The following HS6ST1 variants were observed in gnomAD, a reference collection of about 807,000 sequenced individuals.
HS6ST1 encodes heparan-sulfate 6-O-sulfotransferase 1.
Under a neutral mutation model 25.2 loss-of-function variants are expected in HS6ST1, and 3 were observed. The ratio of observed to expected loss-of-function variants is 0.12; its 90% CI spans 0.05 to 0.31. The LOEUF is 0.31. HS6ST1 is among the 10% of genes least tolerant of loss of function. The probability of loss-of-function intolerance (pLI) is 1.00; values close to 1 mark genes in which losing one functional copy is unlikely to be tolerated. For missense variants in HS6ST1, 310 were observed against 609.6 expected (o/e 0.51, Z 5.18); for synonymous variants, 204 against 275.1 (o/e 0.74, Z 2.56).
chr2:128,317,613 G>A (rs1025993517), intron 1 of HS6ST1, among the ~76,000 whole-genome samples: 3 of 152,190 alleles, frequency 2.0e-5, no homozygotes, highest in African/African-American at 4.8e-5. Context: ...CCACTTTTGG[G>A]ACCACAGCAC....
intron 1 of HS6ST1, among the ~76,000 whole-genome samples, chr2:128,308,322 C>T (rs1330819073): frequency 6.6e-6 from 1 of 152,134 alleles, no homozygotes; most frequent in African/African-American, 2.4e-5. Flanking sequence ...CTGGAGATAC[C>T]ATGTAGGGGG....
intron 1 of HS6ST1, among the ~76,000 whole-genome samples, chr2:128,283,144 G>A (rs910171426): frequency 6.6e-6 from 1 of 152,356 alleles, no homozygotes; most frequent in East Asian, 1.9e-4. Flanking sequence ...CTTTCCTGCA[G>A]TTGAAAAAGG....
At chr2:128,296,538 T>G (rs1694041630) in intron 1 of HS6ST1, among the ~76,000 whole-genome samples, 1 of 152,128 alleles carries the variant, frequency 6.6e-6, no homozygotes, top group African/African-American at 2.4e-5. Context: ...AAGTAAAAAT[T>G]AAAAGAAATC....
chr2:128,293,572 C>T (rs1336968444), intron 1 of HS6ST1, among the ~76,000 whole-genome samples: 5 of 152,172 alleles, frequency 3.3e-5, no homozygotes, highest in South Asian at 4.1e-4. Flanking sequence ...GGGCGCTTCC[C>T]GGGGCCACAG....
chr2:128,301,902 C>A (rs1694135718), intron 1 of HS6ST1, among the ~76,000 whole-genome samples: 1 of 152,224 alleles, frequency 6.6e-6, no homozygotes, highest in African/African-American at 2.4e-5. Context: ...GGACACCATG[C>A]TGGCCGGTGT....
chr2:128,267,945 G>T lies in HS6ST1; in HGVS notation c.*217C>A. On this transcript the variant is annotated 3_prime_UTR_variant, in exon 2 of 2. Transcript: ENST00000259241. ...CCTGACCATGGCATCCTTCGAGCAC[G>T]CTTTCCTCTGACCCACTGGGCTGCA... 1 of 602,802 alleles carries T rather than the reference G, an allele frequency of 1.7e-6. No individual in the cohort carries two copies. The highest frequency in any genetic ancestry group is 2.9e-6 in the Non-Finnish European group (1 of 339,040). 37.3% of individuals were successfully genotyped at this position (602,802 alleles called of 1,614,324 possible).
Position 128,318,212 on chromosome 2 carries a change from A to T in HS6ST1, c.352T>A (p.Cys118Ser). 6.5e-7 allele frequency: 1 copy of T among 1,536,366 alleles called. No individual in the cohort carries two copies. The highest frequency in any genetic ancestry group is 8.8e-7 in the Non-Finnish European group (1 of 1,132,698). ...QNVRLEVPCD[C>S]RPGQKKCTCY... ...GTGCACTTCTTCTGGCCGGGCCGGC[A>T]GTCGCACGGCACCTCGAGGCGTACG... The change falls in exon 1 of 2, where the codon TGC (cysteine) becomes AGC (serine). Residue 118 changes from cysteine (C) to serine (S), a missense_variant. Cys to Ser is a moderately radical substitution (Grantham distance 112). Transcript: ENST00000259241. This position sits in a 1 kb window ranked among gnomAD's most constrained non-coding sequence, Gnocchi z 5.7.
At chr2:128,282,245 C>A (rs1444028837) in intron 1 of HS6ST1, among the ~76,000 whole-genome samples, 1 of 152,268 alleles carries the variant, frequency 6.6e-6, no homozygotes, top group African/African-American at 2.4e-5. Context: ...GAAAAAACCA[C>A]CTTTAGCCCT....
At chr2:128,268,898 G>A (rs748772632) in intron 1 of HS6ST1, 28 bp from the exon 2 acceptor site, 69 of 1,579,272 alleles carry the variant, frequency 4.4e-5, no homozygotes, top group Non-Finnish European at 5.5e-5. Flanking sequence ...GAGGAGGTGA[G>A]GGCTGTGACG....
At chr2:128,295,601 T>C (rs758992279) in intron 1 of HS6ST1, among the ~76,000 whole-genome samples, 1 of 152,216 alleles carries the variant, frequency 6.6e-6, no homozygotes, top group Non-Finnish European at 1.5e-5. Flanking sequence ...CCTTTATAAA[T>C]ACTGATGAAA....
intron 1 of HS6ST1, among the ~76,000 whole-genome samples, chr2:128,275,157 G>GA (rs919002466): frequency 2.8e-4 from 43 of 151,978 alleles, no homozygotes; most frequent in African/African-American, 1.0e-3. Context: ...TTAATTCCAG[G>GA]AAAAACAAAA....
intron 1 of HS6ST1, among the ~76,000 whole-genome samples, chr2:128,269,337 T>C (rs1693574573): frequency 6.7e-6 from 1 of 150,160 alleles, no homozygotes; most frequent in South Asian, 2.1e-4. Flanking sequence ...GGCCTGGTGG[T>C]GGTTGGGGGG....
chr2:128,268,721 T>C lies in HS6ST1; in HGVS notation c.677A>G (p.Glu226Gly), dbSNP rs768191311. The part of the protein sequence containing the change: ...PTPEELPPCY[E>G]GTDWSGCTLQ... The stretch of plus-strand genomic sequence containing the variant: ...CGTGCAGCCCGACCAGTCCGTGCCC[T>C]CGTAGCAGGGCGGCAGCTCCTCAGG... The change falls in exon 2 of 2, where the codon GAG becomes GGG. Residue 226 changes from glutamate to glycine, a missense_variant. This residue lies in a region of HS6ST1 where 98 missense variants were observed against 270.3 expected (regional missense o/e 0.36). Coordinates refer to ENST00000259241, the MANE Select transcript of HS6ST1 (RefSeq NM_004807.3). 2.5e-6 allele frequency: 4 copies of C among 1,612,398 alleles called. No homozygotes were observed. The Admixed American group carries it at 6.7e-5, about 27-fold the overall frequency.
At chr2:128,313,018 G>A (rs555966545) in intron 1 of HS6ST1, among the ~76,000 whole-genome samples, 3 of 152,206 alleles carry the variant, frequency 2.0e-5, no homozygotes, top group Admixed American at 6.5e-5. Flanking sequence ...AGCTGAGATC[G>A]TGCCATCATT....
intron 1 of HS6ST1, among the ~76,000 whole-genome samples, chr2:128,313,992 A>C (rs1460924662): frequency 6.6e-6 from 1 of 151,730 alleles, no homozygotes; most frequent in Non-Finnish European, 1.5e-5. Context: ...ATCTAGGAGC[A>C]TCTTGACCAC....
At chr2:128,291,852 C>A (rs551700326) in intron 1 of HS6ST1, among the ~76,000 whole-genome samples, 1 of 152,348 alleles carries the variant, frequency 6.6e-6, no homozygotes, top group South Asian at 2.1e-4. Context: ...GGCTCTTCCC[C>A]AAGGGCATAC....
At chr2:128,295,471 T>C (rs1004758742) in intron 1 of HS6ST1, among the ~76,000 whole-genome samples, 4 of 152,178 alleles carry the variant, frequency 2.6e-5, no homozygotes, top group African/African-American at 7.2e-5. Context: ...CACAAATCTT[T>C]CCCAAACTTT....
chr2:128,310,643 C>T (rs1236452950), intron 1 of HS6ST1, among the ~76,000 whole-genome samples: 6 of 152,090 alleles, frequency 3.9e-5, no homozygotes, highest in African/African-American at 1.4e-4. Flanking sequence ...GCTGGACATC[C>T]TCCCTCTGCC....
intron 1 of HS6ST1, among the ~76,000 whole-genome samples, chr2:128,293,447 T>C (rs1693990737): frequency 6.6e-6 from 1 of 152,230 alleles, no homozygotes; most frequent in Admixed American, 6.5e-5. Context: ...CTGGGCACTT[T>C]CCTTGCAAAC....
Sources: allele counts gnomAD v4.1 joint callset (sites outside exome capture counted in the v4.1 genomes callset), GRCh38; gene constraint gnomAD v4.1.1; regional missense constraint gnomAD v4.1.1; non-coding constraint Gnocchi (gnomAD v3.1); transcripts MANE v1.5; gene names NCBI Gene and HGNC (gene_info 2026-07-23, HGNC 2026-07-21).